Variants in IFT172 observed in about 807,000 individuals in gnomAD.
IFT172 encodes the protein intraflagellar transport protein 172 homolog.
Under a neutral mutation model 248.9 loss-of-function variants are expected in IFT172, and 164 were observed. That is an observed-to-expected ratio of 0.66 (90% CI 0.58 to 0.75). The LOEUF is 0.75. Ranked by LOEUF, IFT172 falls within the 30% of genes least tolerant of loss-of-function variation. The pLI is 0.00. For missense variants in IFT172, 1,950 were observed against 2,192.4 expected, an observed-to-expected ratio of 0.89 and a Z score of 2.21; for synonymous variants, 729 against 791.6, an observed-to-expected ratio of 0.92 and a Z score of 1.33.
chr2:27,472,562 C>T (rs1164945966), intron 14 of IFT172, among the ~76,000 whole-genome samples, 200 bp from the exon 15 acceptor site: 1 of 152,208 alleles, frequency 6.6e-6, no homozygotes, highest in Non-Finnish European at 1.5e-5. Flanking sequence ...GGAGTTACCT[C>T]AGAGCAGACT....
chr2:27,465,690 C>G (rs1667036415), intron 17 of IFT172, 56 bp downstream of exon 17: 1 of 1,609,356 alleles, frequency 6.2e-7, no homozygotes, highest in Non-Finnish European at 8.5e-7. Flanking sequence ...CCCAGGTCCT[C>G]CCCTCTCAGA....
chr2:27,470,607 G>A, intron 16 of IFT172, among the ~76,000 whole-genome samples: 1 of 152,094 alleles, frequency 6.6e-6, no homozygotes, highest in South Asian at 2.1e-4. Context: ...GCTTATAACG[G>A]AGAATCAGCA....
intron 35 of IFT172, among the ~76,000 whole-genome samples, chr2:27,451,744 C>T (rs1009335189): frequency 2.6e-5 from 4 of 152,038 alleles, no homozygotes; most frequent in Admixed American, 6.5e-5. Flanking sequence ...CCAGCCTGGG[C>T]GACAGAGCAA....
chr2:27,455,365 G>T (rs748889414), intron 30 of IFT172: 16 of 301,928 alleles, frequency 5.3e-5, no homozygotes, highest in Non-Finnish European at 8.9e-5. Flanking sequence ...GGCTAAACAA[G>T]TGTAGAGTGA....
At chr2:27,459,888 G>A in intron 23 of IFT172, 59 bp from the exon 24 acceptor site, 3 of 1,595,782 alleles carry the variant, frequency 1.9e-6, no homozygotes, top group East Asian at 2.2e-5. Flanking sequence ...TCAGGAAAAA[G>A]GTAGGACAGG....
chr2:27,462,863 G>C, intron 19 of IFT172, 70 bp from the exon 20 acceptor site: 6 of 1,432,636 alleles, frequency 4.2e-6, no homozygotes, highest in Non-Finnish European at 5.9e-6. Context: ...GCTGAAATTG[G>C]AAGGCCAGAA....
At chr2:27,461,707 G>C in intron 21 of IFT172, 52 bp downstream of exon 21, 1 of 1,610,376 alleles carries the variant, frequency 6.2e-7, no homozygotes, top group South Asian at 1.1e-5. Flanking sequence ...GGAGGTTTTT[G>C]AAATTGGCAG....
Position 27,449,562 on chromosome 2 carries a change from C to T in IFT172, c.4161G>A (p.Arg1387=), listed in dbSNP as rs62131872. Residue 1387 remains arginine (R), a splice_region_variant and synonymous_variant, in exon 38 of 48, where the codon AGG becomes AGA. Coordinates refer to ENST00000260570, the MANE Select transcript of IFT172 (RefSeq NM_015662.3). The part of the protein sequence containing the change: ...AKRVAKELDP[R]YEDYVDQHYK... ...AATGCTGGTCCACATAGTCTTCATACCTGTGAAGATGTTCAGAGAGCTCCA... is the reference window on the plus strand; with the variant it reads ...AATGCTGGTCCACATAGTCTTCATATCTGTGAAGATGTTCAGAGAGCTCCA... 1.9e-6 allele frequency: 3 copies of T among 1,614,148 alleles called. No homozygotes were observed. Among genetic ancestry groups the T allele is most frequent in the South Asian group, 2.2e-5 (2 of 91,076 alleles).
chr2:27,475,596 G>GA (rs1358270849), intron 14 of IFT172: 1 of 152,028 alleles, frequency 6.6e-6, no homozygotes, highest in Non-Finnish European at 1.5e-5. Flanking sequence ...GCCAAAGCAA[G>GA]AAAAATATCA....
chr2:27,477,303 A>T lies in IFT172; in HGVS notation c.1239T>A (p.Asn413Lys). 1 of 1,614,150 alleles carries T rather than the reference A, an allele frequency of 6.2e-7. No homozygotes were observed. The highest frequency in any genetic ancestry group is 8.5e-7 in the Non-Finnish European group (1 of 1,179,982). The change falls in exon 13 of 48, where the codon AAT (asparagine) becomes AAA (lysine). Residue 413 changes from asparagine to lysine, a missense_variant. Transcript: ENST00000260570. ...ATTCCACCAGGGTTAGCTCTCCGGC[A>T]TTGAAGATCATGCATACCTGGGAAA... ...FENENVCMIF[N>K]AGELTLVEYG...
At chr2:27,480,952 T>G in intron 8 of IFT172, 94 bp downstream of exon 8, 3 of 916,382 alleles carry the variant, frequency 3.3e-6, no homozygotes, top group Non-Finnish European at 5.3e-6. Context: ...TTGATTCTGC[T>G]CCAGTCTCGC....
At position 27,462,770 on chromosome 2, in the gene IFT172, A is replaced by G; in HGVS notation, c.2046T>C (p.Tyr682=). ...GCATGGCTAGACGTGCTCGGACCTGATAAAAGTCTGTTCCTTCTCCGCCCT... is the reference window on the plus strand; with the variant it reads ...GCATGGCTAGACGTGCTCGGACCTGGTAAAAGTCTGTTCCTTCTCCGCCCT... ...REYGGEGTDF[Y]QVRARLAMLE... Residue 682 remains tyrosine (Y), a synonymous_variant, in exon 20 of 48, where the codon TAT becomes TAC. Transcript: ENST00000260570. The G allele has an allele frequency of 6.2e-7, 1 of 1,614,066 alleles. No individual in the cohort carries two copies.
chr2:27,464,544 A>G (rs1039798689), intron 18 of IFT172, among the ~76,000 whole-genome samples: 6 of 152,216 alleles, frequency 3.9e-5, no homozygotes, highest in Admixed American at 2.0e-4. Flanking sequence ...GAAGGGTATG[A>G]ATAGTAAAAA....
chr2:27,456,453 C>G, intron 30 of IFT172, 58 bp downstream of exon 30: 1 of 1,560,348 alleles, frequency 6.4e-7, no homozygotes, highest in Non-Finnish European at 8.6e-7. Flanking sequence ...AATTTTCTTT[C>G]TCTAGATAGT....
chr2:27,451,393 G>A (rs1665660306), intron 35 of IFT172, among the ~76,000 whole-genome samples: 2 of 152,076 alleles, frequency 1.3e-5, no homozygotes, highest in Admixed American at 1.3e-4. Context: ...ATTAAAATCT[G>A]CTAGAACCTC....
intron 16 of IFT172, chr2:27,470,640 T>C (rs891785282): frequency 3.5e-6 from 1 of 289,126 alleles, no homozygotes; most frequent in African/African-American, 2.2e-5. Flanking sequence ...ACATTAGAAC[T>C]GCCTCTCCTA....
At chr2:27,455,467 G>T (rs1377130590) in intron 30 of IFT172, 2 of 221,392 alleles carry the variant, frequency 9.0e-6, no homozygotes, top group Non-Finnish European at 1.8e-5. Context: ...CCAGCACTTT[G>T]GGAGGCCAAG....
chr2:27,465,350 A>G (rs1028739593), intron 18 of IFT172, 61 bp downstream of exon 18: 32 of 1,406,798 alleles, frequency 2.3e-5, no homozygotes, highest in Non-Finnish European at 3.2e-5. Context: ...CCACAGGGAA[A>G]ATACTCATGT....
At chr2:27,463,856 G>C (rs1363547181) in intron 18 of IFT172, among the ~76,000 whole-genome samples, 3 of 152,168 alleles carry the variant, frequency 2.0e-5, no homozygotes, top group African/African-American at 7.2e-5. Flanking sequence ...TGCCAGTGTG[G>C]TTGGAGACTA....
Sources: gnomAD v4.1 joint callset for allele counts (sites outside exome capture counted in the v4.1 genomes callset) on GRCh38, gnomAD v4.1.1 for gene constraint, MANE v1.5 for transcripts, NCBI Gene and HGNC (gene_info 2026-07-23, HGNC 2026-07-21) for gene names.